SLC25A37: variants seen among roughly 807,000 people sequenced by gnomAD.
SLC25A37 encodes the protein mitoferrin-1.
A neutral mutation model predicts 31.0 loss-of-function variants in SLC25A37; 17 were observed. That is an observed-to-expected ratio of 0.55 (90% CI 0.38 to 0.82). The LOEUF (loss-of-function observed/expected upper bound fraction) is 0.82. SLC25A37 is among the 40% of genes least tolerant of loss of function. The pLI, the probability that SLC25A37 is intolerant of heterozygous loss-of-function variation, is 0.00. For missense variants in SLC25A37, 404 were observed against 465.8 expected (o/e 0.87, Z 1.22); for synonymous variants, 222 against 193.0 (o/e 1.15, Z -1.24).
At chr8:23,562,455 A>C (rs991746788) in intron 1 of SLC25A37, among the ~76,000 whole-genome samples, 1 of 152,340 alleles carries the variant, frequency 6.6e-6, no homozygotes, top group South Asian at 2.1e-4. Context: ...CCCGGTGGGT[A>C]TTCTAAGTTG....
intron 1 of SLC25A37, 54 bp from the exon 2 acceptor site, chr8:23,566,054 T>C: frequency 6.6e-7 from 1 of 1,522,690 alleles, no homozygotes. Flanking sequence ...TTTCCTTCTT[T>C]ACCATCCTGA....
At chr8:23,564,719 C>G (rs1802605497) in intron 1 of SLC25A37, among the ~76,000 whole-genome samples, 1 of 152,078 alleles carries the variant, frequency 6.6e-6, no homozygotes, top group Non-Finnish European at 1.5e-5. Context: ...TGGTTGAAGA[C>G]CTTCCTTGGG....
chr8:23,546,167 G>T (rs945280221), intron 1 of SLC25A37, among the ~76,000 whole-genome samples: 1 of 151,714 alleles, frequency 6.6e-6, no homozygotes, highest in African/African-American at 2.4e-5. Flanking sequence ...TTTGTGTGGT[G>T]GTGCACACCT....
chr8:23,543,225 C>T (rs939272720), intron 1 of SLC25A37: 9 of 152,076 alleles, frequency 5.9e-5, no homozygotes, highest in African/African-American at 2.2e-4. Flanking sequence ...CGCACCACCA[C>T]ACAGCTAATT....
Position 23,529,517 on chromosome 8 carries a change from C to T in SLC25A37, c.210+305C>T, listed in dbSNP as rs1016764778. On this transcript the variant is annotated intron_variant, in intron 1 of 3. Coordinates refer to ENST00000519973, the MANE Select transcript of SLC25A37 (RefSeq NM_016612.4). The surrounding 1 kb of genome is among the most constrained non-coding windows in gnomAD (Gnocchi z 4.1). Reference sequence around the variant, plus strand: ...TGGCGAGCACCGCTGGCTTCGGCGGCGACTGGGCTCCCGGGGGACGCGATC... The same window carrying T: ...TGGCGAGCACCGCTGGCTTCGGCGGTGACTGGGCTCCCGGGGGACGCGATC... 7.9e-5 allele frequency among the ~76,000 whole-genome samples: 12 copies of T among 152,134 alleles called. No individual in the cohort carries two copies. Among genetic ancestry groups the T allele is most frequent in the African/African-American group, 2.9e-4 (12 of 41,558 alleles).
At chr8:23,548,385 G>A (rs1482028014) in intron 1 of SLC25A37, among the ~76,000 whole-genome samples, 2 of 151,508 alleles carry the variant, frequency 1.3e-5, no homozygotes, top group Admixed American at 6.6e-5. Context: ...TCACCATGTT[G>A]GTCAGGATGG....
intron 1 of SLC25A37, 145 bp from the exon 2 acceptor site, chr8:23,565,963 G>C (rs1190009646): frequency 4.1e-6 from 5 of 1,205,264 alleles, no homozygotes; most frequent in Admixed American, 3.6e-5. Flanking sequence ...AATTCATTTT[G>C]ATTTCAAATA....
At chr8:23,546,539 A>ATATATAGG (rs1554497868) in intron 1 of SLC25A37, among the ~76,000 whole-genome samples, 3 of 24,482 alleles carry the variant, frequency 1.2e-4, no homozygotes, top group African/African-American at 1.1e-3. Flanking sequence ...GTGTATATAT[A>ATATATAGG]TATATATATA....
chr8:23,543,850 A>G (rs1279240157), intron 1 of SLC25A37, among the ~76,000 whole-genome samples: 3 of 151,178 alleles, frequency 2.0e-5, no homozygotes, highest in African/African-American at 7.3e-5. Context: ...ACGATGTGGT[A>G]TTTTCACTGT....
chr8:23,533,202 AGT>A (rs1801696115), intron 1 of SLC25A37, among the ~76,000 whole-genome samples: 1 of 152,054 alleles, frequency 6.6e-6, no homozygotes, highest in Non-Finnish European at 1.5e-5. Flanking sequence ...TACCCTGAGG[AGT>A]GTGAGAACCT....
chr8:23,546,003 C>T (rs1802026226), intron 1 of SLC25A37, among the ~76,000 whole-genome samples: 1 of 152,078 alleles, frequency 6.6e-6, no homozygotes, highest in African/African-American at 2.4e-5. Flanking sequence ...GGTGTGGTAG[C>T]AGATGCCTAT....
At position 23,571,596 on chromosome 8, in the gene SLC25A37, C is replaced by A. The variant is rs201726415; in HGVS notation, c.758C>A (p.Thr253Asn). The change falls in exon 4 of 4, where the codon ACC becomes AAC. Residue 253 changes from threonine to asparagine, a missense_variant. By Grantham distance (65) the Thr-to-Asn change is moderately conservative. Coordinates refer to ENST00000519973, the MANE Select transcript of SLC25A37 (RefSeq NM_016612.4). ...GGGGCCCTCGCCGCGGCCGCCACGA[C>A]CCCCCTGGACGTCTGTAAGACCCTT... ...LAGALAAAAT[T>N]PLDVCKTLLN... 6 of 1,613,844 alleles carry A rather than the reference C, an allele frequency of 3.7e-6. No homozygotes were observed. The highest frequency in any genetic ancestry group is 3.3e-5 in the South Asian group (3 of 91,070).
At chr8:23,566,903 C>T (rs1802676713) in intron 2 of SLC25A37, 1 of 827,996 alleles carries the variant, frequency 1.2e-6, no homozygotes. Flanking sequence ...ATTTTACCCC[C>T]ATTCTCTTCT....
At chr8:23,545,405 G>C (rs1281986169) in intron 1 of SLC25A37, among the ~76,000 whole-genome samples, 1 of 152,212 alleles carries the variant, frequency 6.6e-6, no homozygotes, top group Non-Finnish European at 1.5e-5. Context: ...CCTGAGATGA[G>C]AGCTTGGGGA....
chr8:23,563,758 G>T (rs181073680), intron 1 of SLC25A37, among the ~76,000 whole-genome samples: 1 of 152,266 alleles, frequency 6.6e-6, no homozygotes, highest in Non-Finnish European at 1.5e-5. Flanking sequence ...GAAGCAAGTG[G>T]ATCTCGAGGT....
chr8:23,533,877 T>G (rs1375299487), intron 1 of SLC25A37, among the ~76,000 whole-genome samples: 1 of 152,200 alleles, frequency 6.6e-6, no homozygotes, highest in Non-Finnish European at 1.5e-5. Context: ...CCACCTTGAA[T>G]GTTGTGTCTG....
intron 1 of SLC25A37, among the ~76,000 whole-genome samples, chr8:23,548,252 C>T (rs977420298): frequency 2.0e-5 from 3 of 152,148 alleles, no homozygotes; most frequent in Non-Finnish European, 2.9e-5. Flanking sequence ...GATCTCGGTT[C>T]ACTGCAACCT....
rs767719031 is a variant in SLC25A37, at chr8:23,568,370, C to T, written c.488C>T (p.Pro163Leu). 6.2e-7 allele frequency: 1 copy of T among 1,613,834 alleles called. No individual in the cohort carries two copies. Among genetic ancestry groups the T allele is most frequent in the East Asian group, 2.2e-5 (1 of 44,850 alleles). Residue 163 changes from proline (P) to leucine (L), a missense_variant, in exon 3 of 4, where the codon CCA becomes CTA. By Grantham distance (98) the Pro-to-Leu change is moderately conservative. This residue lies in a region of SLC25A37 where 243 missense variants were observed against 284.4 expected (regional missense o/e 0.85). Transcript: ENST00000519973. ...CTGCTCCACGATGCGGTAATGAATC[C>T]AGCAGAAGGTAATGTTTCATGGTCC... Reference protein sequence around the residue: ...ATLLHDAVMNPAEVVKQRLQM... With the variant: ...ATLLHDAVMNLAEVVKQRLQM...
intron 1 of SLC25A37, among the ~76,000 whole-genome samples, chr8:23,535,764 T>A (rs776365632): frequency 6.6e-6 from 1 of 152,160 alleles, no homozygotes; most frequent in Admixed American, 6.5e-5. Context: ...ACATCTTACA[T>A]GGTAACAGAC....
Sources: gnomAD v4.1 joint callset for allele counts (sites outside exome capture counted in the v4.1 genomes callset) on GRCh38, gnomAD v4.1.1 for gene constraint, gnomAD v4.1.1 regional missense constraint, Gnocchi (gnomAD v3.1) non-coding constraint, MANE v1.5 for transcripts, NCBI Gene and HGNC (gene_info 2026-07-23, HGNC 2026-07-21) for gene names.